The following RASAL2 variants were observed in gnomAD, a reference collection of about 807,000 sequenced individuals.
The protein encoded by RASAL2 is ras GTPase-activating protein nGAP.
In RASAL2, 58 loss-of-function variants were observed where a neutral mutation model predicts 128.9. That is an observed-to-expected ratio of 0.45 (90% CI 0.36 to 0.56). The LOEUF is 0.56. Among genes scored for constraint, RASAL2 ranks in the 20% least tolerant of loss-of-function variants. The pLI is 0.00. For synonymous variants in RASAL2, 561 were observed against 580.8 expected (o/e 0.97, Z 0.49); for missense variants, 1,360 against 1,601.6 (o/e 0.85, Z 2.57).
chr1:178,120,050 A>G (rs922563519), intron 1 of RASAL2, among the ~76,000 whole-genome samples: 2 of 152,244 alleles, frequency 1.3e-5, no homozygotes, highest in African/African-American at 2.4e-5. Flanking sequence ...GGTGGCCTTC[A>G]GTAATTGCTT....
chr1:178,116,413 A>G (rs1659520357), intron 1 of RASAL2, among the ~76,000 whole-genome samples: 1 of 152,186 alleles, frequency 6.6e-6, no homozygotes, highest in African/African-American at 2.4e-5. Flanking sequence ...AGTTCAGTAA[A>G]TCAGAACTCT....
chr1:178,224,887 T>G (rs1311587623), intron 1 of RASAL2, among the ~76,000 whole-genome samples: 2 of 152,156 alleles, frequency 1.3e-5, no homozygotes, highest in African/African-American at 4.8e-5. Context: ...TTTAAACTTT[T>G]TAAAAGACTT....
chr1:178,317,697 G>T (rs915686352), intron 3 of RASAL2, among the ~76,000 whole-genome samples: 93 of 146,000 alleles, frequency 6.4e-4, no homozygotes, highest in African/African-American at 2.3e-3. Flanking sequence ...TTCTTTATTA[G>T]TCTTGCTAGC....
At chr1:178,375,217 T>A (rs1335805071) in intron 3 of RASAL2, among the ~76,000 whole-genome samples, 2 of 152,054 alleles carry the variant, frequency 1.3e-5, no homozygotes, top group Non-Finnish European at 2.9e-5. Context: ...CTGAGGAACA[T>A]TAAATAATTT....
intron 1 of RASAL2, among the ~76,000 whole-genome samples, chr1:178,190,847 A>G (rs1662471244): frequency 6.6e-6 from 1 of 152,140 alleles, no homozygotes; most frequent in East Asian, 1.9e-4. Flanking sequence ...TTGAATTTGT[A>G]TGTGAATTAA....
At chr1:178,167,296 A>G (rs1439690677) in intron 1 of RASAL2, among the ~76,000 whole-genome samples, 2 of 152,162 alleles carry the variant, frequency 1.3e-5, no homozygotes, top group African/African-American at 2.4e-5. Flanking sequence ...TATGATTTCT[A>G]ATTGGCTACT....
chr1:178,195,109 A>G (rs756221024), intron 1 of RASAL2, among the ~76,000 whole-genome samples: 3 of 152,154 alleles, frequency 2.0e-5, no homozygotes, highest in Admixed American at 1.3e-4. Context: ...TTTCCACTGT[A>G]GTTTCATTTA....
intron 3 of RASAL2, among the ~76,000 whole-genome samples, chr1:178,306,833 G>T (rs1228067869): frequency 7.5e-6 from 1 of 133,490 alleles, no homozygotes; most frequent in African/African-American, 2.8e-5. Flanking sequence ...ATGGACACAG[G>T]AAGGGGAACA....
At chr1:178,339,547 A>G (rs777324291) in intron 3 of RASAL2, among the ~76,000 whole-genome samples, 4 of 152,098 alleles carry the variant, frequency 2.6e-5, no homozygotes, top group Non-Finnish European at 5.9e-5. Flanking sequence ...TTGGTTACGA[A>G]TAGCCTCATA....
At chr1:178,284,541 G>A (rs1050040144) in intron 2 of RASAL2, among the ~76,000 whole-genome samples, 3 of 152,142 alleles carry the variant, frequency 2.0e-5, no homozygotes, top group Non-Finnish European at 4.4e-5. Flanking sequence ...TGTACTTTCT[G>A]TTCTTCTAAA....
chr1:178,235,702 G>T (rs1463443224), intron 1 of RASAL2, among the ~76,000 whole-genome samples: 2 of 152,040 alleles, frequency 1.3e-5, no homozygotes, highest in African/African-American at 2.4e-5. Context: ...ATAAAGACCG[G>T]ATCAAGTGCC....
chr1:178,117,212 T>A (rs909591337), intron 1 of RASAL2, among the ~76,000 whole-genome samples: 18 of 151,448 alleles, frequency 1.2e-4, no homozygotes, highest in African/African-American at 4.4e-4. Flanking sequence ...ATTTGAGTAA[T>A]AAAGTAATTG....
intron 1 of RASAL2, among the ~76,000 whole-genome samples, chr1:178,190,566 C>T (rs1662458055): frequency 6.6e-6 from 1 of 152,068 alleles, no homozygotes; most frequent in African/African-American, 2.4e-5. Context: ...ATAAGATTGA[C>T]AGGAAGGAAT....
rs771862724 is a variant in RASAL2, at chr1:178,473,159, G to C, written c.3763G>C (p.Val1255Leu). ...TQVKERYSMQ[V>L]RNGISPTNPT... is the part of the protein sequence containing the mutation. ...AGTGAAGGAGCGGTACAGCATGCAG[G>C]TCCGCAATGGCATCTCCCCCACCAA... Residue 1255 changes from valine (V) to leucine (L), a missense_variant, in exon 18 of 18, where the codon GTC (valine) becomes CTC (leucine). Val to Leu is a conservative substitution (Grantham distance 32). This residue lies in a region of RASAL2 where 741 missense variants were observed against 868.6 expected (regional missense o/e 0.85). Coordinates refer to ENST00000367649, the MANE Select transcript of RASAL2 (RefSeq NM_170692.4). The C allele has an allele frequency of 9.3e-6, 15 of 1,614,170 alleles. No individual in the cohort carries two copies. The highest frequency in any genetic ancestry group is 1.2e-5 in the Non-Finnish European group (14 of 1,180,020).
At chr1:178,365,186 C>T (rs1324446994) in intron 3 of RASAL2, among the ~76,000 whole-genome samples, 1 of 151,944 alleles carries the variant, frequency 6.6e-6, no homozygotes, top group East Asian at 1.9e-4. Flanking sequence ...TACATTGTGG[C>T]TTTGCATGTC....
intron 5 of RASAL2, among the ~76,000 whole-genome samples, chr1:178,435,804 A>G (rs985276430): frequency 1.3e-5 from 2 of 152,066 alleles, no homozygotes; most frequent in African/African-American, 4.8e-5. Flanking sequence ...GTTCAGGATG[A>G]TGGGGCAGTA....
intron 13 of RASAL2, 129 bp downstream of exon 13, chr1:178,457,028 A>G (rs1375133568): frequency 1.6e-5 from 13 of 819,604 alleles, no homozygotes; most frequent in Admixed American, 8.3e-5. Context: ...ATCTGACCTG[A>G]GAGCAGTCCA....
rs775795195 is a variant in RASAL2 at position 178,473,285 on chromosome 1, C to T, written c.*46C>T. ...AGACAGAAGGAAATTGACCCACTCTCCTATCTCCAGACCTTTACCTAGCCC... is the reference window on the plus strand; with the variant it reads ...AGACAGAAGGAAATTGACCCACTCTTCTATCTCCAGACCTTTACCTAGCCC... On this transcript the variant is annotated 3_prime_UTR_variant, in exon 18 of 18. Transcript: ENST00000367649. The T allele has an allele frequency of 3.7e-6, 6 of 1,607,148 alleles. No homozygotes were observed. In the Admixed American group the frequency reaches 6.7e-5, roughly 18 times the overall value.
chr1:178,450,685 C>T (rs756664607), intron 9 of RASAL2, among the ~76,000 whole-genome samples: 6 of 152,136 alleles, frequency 3.9e-5, no homozygotes, highest in African/African-American at 7.2e-5. Flanking sequence ...TTGAAAGATC[C>T]ACTCCTCTTT....
Sources: allele counts gnomAD v4.1 joint callset (sites outside exome capture counted in the v4.1 genomes callset), GRCh38; gene constraint gnomAD v4.1.1; regional missense constraint gnomAD v4.1.1; transcripts MANE v1.5; gene names NCBI Gene and HGNC (gene_info 2026-07-23, HGNC 2026-07-21).